ANXA10: variants seen among roughly 807,000 people sequenced by gnomAD.
ANXA10 encodes annexin 14.
In ANXA10, 49 loss-of-function variants were observed where a neutral mutation model predicts 53.5. The ratio of observed to expected loss-of-function variants is 0.92; its 90% CI spans 0.73 to 1.16. ANXA10 has a LOEUF of 1.16. Ranked by LOEUF, ANXA10 falls within the 50% of genes most tolerant of loss-of-function variation. The pLI is 0.00. For missense variants in ANXA10, 393 were observed against 394.4 expected (o/e 1.00, Z 0.03); for synonymous variants, 131 against 128.9 (o/e 1.02, Z -0.11).
In ANXA10 at chr4:168,165,331, G is replaced by A; in HGVS notation, c.480+5G>A. ...ACTCTCATGAACTTGGTCCAGGTAT[G>A]GCATTCCAAAATTTACATTACTTTG... is the stretch of plus-strand genomic sequence containing the variant. On this transcript the variant is annotated splice_donor_5th_base_variant and intron_variant, in intron 6 of 11. Coordinates refer to ENST00000359299, the MANE Select transcript of ANXA10 (RefSeq NM_007193.5). The A allele has an allele frequency of 6.5e-7, 1 of 1,533,182 alleles. No homozygotes were observed. The highest frequency in any genetic ancestry group is 8.9e-7 in the Non-Finnish European group (1 of 1,129,292). The allele number at this position is 1,533,182 out of a possible 1,614,324, so 95.0% of individuals were successfully genotyped here. A position where few individuals can be genotyped will look rare whatever the true frequency, so the allele number is the denominator to read the frequency against.
chr4:168,186,588 G>A (rs1732375326), intron 11 of ANXA10, among the ~76,000 whole-genome samples: 1 of 152,164 alleles, frequency 6.6e-6, no homozygotes, highest in Admixed American at 6.5e-5. Context: ...CACTCAGCAG[G>A]CACCACATCT....
chr4:168,145,876 G>A (rs2149473208), intron 3 of ANXA10, among the ~76,000 whole-genome samples: 1 of 152,182 alleles, frequency 6.6e-6, no homozygotes, highest in Non-Finnish European at 1.5e-5. Flanking sequence ...GAAGCCTAGG[G>A]ATGGTGGAGA....
intron 3 of ANXA10, among the ~76,000 whole-genome samples, chr4:168,144,334 G>A (rs1485380370): frequency 2.0e-5 from 3 of 152,182 alleles, no homozygotes; most frequent in Non-Finnish European, 4.4e-5. Context: ...TTACAGGACC[G>A]TGCAACCACG....
chr4:168,180,575 C>T (rs1342561176), intron 9 of ANXA10, among the ~76,000 whole-genome samples: 2 of 152,120 alleles, frequency 1.3e-5, no homozygotes, highest in Non-Finnish European at 2.9e-5. Flanking sequence ...AATGAAACAA[C>T]AAAAACAGCA....
At chr4:168,137,391 T>A (rs1402065105) in intron 2 of ANXA10, among the ~76,000 whole-genome samples, 2 of 152,200 alleles carry the variant, frequency 1.3e-5, no homozygotes, top group Non-Finnish European at 2.9e-5. Flanking sequence ...ATAGTGAACA[T>A]CATACCCAAT....
At chr4:168,177,642 G>A in intron 6 of ANXA10, 98 bp from the exon 7 acceptor site, 1 of 1,205,910 alleles carries the variant, frequency 8.3e-7, no homozygotes, top group South Asian at 1.2e-5. Context: ...AGTTCCTTAG[G>A]AACAATCAGA....
At chr4:168,166,034 T>G (rs2149477897) in intron 6 of ANXA10, among the ~76,000 whole-genome samples, 1 of 152,348 alleles carries the variant, frequency 6.6e-6, no homozygotes, top group South Asian at 2.1e-4. Context: ...CTAACATTTC[T>G]GAGCTCCTAC....
intron 3 of ANXA10, among the ~76,000 whole-genome samples, chr4:168,155,516 TATAA>T (rs1731602131): frequency 4.3e-5 from 1 of 23,032 alleles, no homozygotes; most frequent in African/African-American, 2.8e-4. Context: ...TTATAAAATA[TATAA>T]TTATATAATA....
At chr4:168,172,707 T>C (rs987303478) in intron 6 of ANXA10, among the ~76,000 whole-genome samples, 5 of 151,894 alleles carry the variant, frequency 3.3e-5, no homozygotes, top group Non-Finnish European at 7.4e-5. Context: ...TATAAAATAT[T>C]AGAAGGTTGA....
In ANXA10 at chr4:168,139,536, C is replaced by A. The variant is rs775607456; in HGVS notation, c.151C>A (p.Gln51Lys). 1.9e-6 allele frequency: 3 copies of A among 1,613,198 alleles called. No individual in the cohort carries two copies. Among genetic ancestry groups the A allele is most frequent in the Non-Finnish European group, 2.5e-6 (3 of 1,179,326 alleles). The change falls in exon 3 of 12, where the codon CAA becomes AAA. Residue 51 changes from glutamine to lysine, a missense_variant. Physicochemically the swap from Gln to Lys is moderately conservative, Grantham distance 53. Transcript: ENST00000359299. The stretch of plus-strand genomic sequence containing the variant: ...CATTCTGACTCAGCGCTGCAATGCA[C>A]AAAGGATGATGATTGCAGAGGCATA... ...INILTQRCNA[Q>K]RMMIAEAYQS...
At chr4:168,179,436 T>G (rs1732197358) in intron 9 of ANXA10, 124 bp downstream of exon 9, 1 of 680,408 alleles carries the variant, frequency 1.5e-6, no homozygotes, top group African/African-American at 1.8e-5. Flanking sequence ...TGAATTTAAT[T>G]TTTTAAAAGG....
At chr4:168,178,186 C>A in intron 8 of ANXA10, 1 of 538,878 alleles carries the variant, frequency 1.9e-6, no homozygotes, top group South Asian at 2.5e-5. Flanking sequence ...AATATTTTTT[C>A]CAATAACTTT....
intron 3 of ANXA10, 42 bp from the exon 4 acceptor site, chr4:168,162,486 T>G (rs572486143): frequency 7.1e-7 from 1 of 1,407,666 alleles, no homozygotes; most frequent in East Asian, 2.3e-5. Context: ...CTCTTGCAAA[T>G]TTGGTAACAT....
intron 3 of ANXA10, among the ~76,000 whole-genome samples, chr4:168,153,415 C>G (rs1578918998): frequency 2.6e-5 from 2 of 76,596 alleles, no homozygotes; most frequent in Non-Finnish European, 5.1e-5. Flanking sequence ...CTGCTAAAAG[C>G]CTAAAGCAAA....
chr4:168,161,764 G>A (rs1406622264), intron 3 of ANXA10, among the ~76,000 whole-genome samples: 2 of 152,184 alleles, frequency 1.3e-5, no homozygotes, highest in East Asian at 3.9e-4. Context: ...AGCTCTCCTT[G>A]AAGAGGTCCT....
chr4:168,166,301 G>GAAC (rs1481750948), intron 6 of ANXA10, among the ~76,000 whole-genome samples: 1 of 152,026 alleles, frequency 6.6e-6, no homozygotes, highest in Non-Finnish European at 1.5e-5. Flanking sequence ...TACCAAAAAG[G>GAAC]AACACTACTT....
At chr4:168,126,530 T>C (rs2149469447) in intron 1 of ANXA10, among the ~76,000 whole-genome samples, 1 of 152,294 alleles carries the variant, frequency 6.6e-6, no homozygotes. Context: ...TACAATCAGC[T>C]GTGGAAACAC....
chr4:168,101,143 G>C (rs1002826548), intron 1 of ANXA10, among the ~76,000 whole-genome samples: 1 of 151,998 alleles, frequency 6.6e-6, no homozygotes, highest in African/African-American at 2.4e-5. Context: ...ATGAGAGTGA[G>C]TTCTTGCAAG....
chr4:168,098,745 C>G (rs886354187), intron 1 of ANXA10, among the ~76,000 whole-genome samples: 3 of 151,690 alleles, frequency 2.0e-5, no homozygotes, highest in African/African-American at 4.8e-5. Context: ...CTCAGTTATA[C>G]TTTTATTTAT....
Sources: allele counts gnomAD v4.1 joint callset (sites outside exome capture counted in the v4.1 genomes callset), GRCh38; gene constraint gnomAD v4.1.1; transcripts MANE v1.5; gene names NCBI Gene and HGNC (gene_info 2026-07-23, HGNC 2026-07-21).